Variants in SPAG16 observed in about 807,000 individuals in gnomAD.
SPAG16 encodes the protein sperm associated antigen 16.
A neutral mutation model predicts 80.4 loss-of-function variants in SPAG16; 86 were observed. That is an observed-to-expected ratio of 1.07 (90% CI 0.90 to 1.28). SPAG16 has a LOEUF of 1.28. SPAG16 is among the 50% of genes most tolerant of loss of function. The pLI, the probability that SPAG16 is intolerant of heterozygous loss-of-function variation, is 0.00. For synonymous variants in SPAG16, 294 were observed against 265.9 expected, an observed-to-expected ratio of 1.11 and a Z score of -1.03; for missense variants, 870 against 765.3, an observed-to-expected ratio of 1.14 and a Z score of -1.61.
At chr2:214,259,884 C>G (rs1440728102) in intron 15 of SPAG16, among the ~76,000 whole-genome samples, 1 of 152,124 alleles carries the variant, frequency 6.6e-6, no homozygotes, top group Non-Finnish European at 1.5e-5. Context: ...AGGCAGTTCT[C>G]CTTTGACCAG....
intron 10 of SPAG16, among the ~76,000 whole-genome samples, chr2:213,659,564 C>T (rs1188321194): frequency 6.6e-6 from 1 of 152,098 alleles, no homozygotes; most frequent in Non-Finnish European, 1.5e-5. Flanking sequence ...GATACAACTA[C>T]AAGCAGCACT....
intron 9 of SPAG16, among the ~76,000 whole-genome samples, chr2:213,477,756 T>A (rs551785205): frequency 6.6e-6 from 1 of 152,210 alleles, no homozygotes; most frequent in African/African-American, 2.4e-5. Context: ...GACTTTGGAC[T>A]TGGACTCTTG....
intron 11 of SPAG16, among the ~76,000 whole-genome samples, chr2:213,873,840 C>T (rs1426244549): frequency 6.6e-6 from 1 of 152,000 alleles, no homozygotes; most frequent in African/African-American, 2.4e-5. Context: ...TAGGCAATTT[C>T]ATCACTATGC....
At chr2:213,687,503 T>C (rs1419565929) in intron 10 of SPAG16, among the ~76,000 whole-genome samples, 1 of 152,228 alleles carries the variant, frequency 6.6e-6, no homozygotes, top group African/African-American at 2.4e-5. Flanking sequence ...ATTTTAGCAT[T>C]TTTTAAATGA....
At chr2:213,463,334 CT>C (rs1433803577) in intron 9 of SPAG16, among the ~76,000 whole-genome samples, 1 of 152,206 alleles carries the variant, frequency 6.6e-6, no homozygotes, top group African/African-American at 2.4e-5. Flanking sequence ...CAGAAATTTG[CT>C]TAAGTAACAA....
At chr2:214,073,410 T>C (rs569217944) in intron 13 of SPAG16, among the ~76,000 whole-genome samples, 2 of 152,102 alleles carry the variant, frequency 1.3e-5, no homozygotes, top group South Asian at 4.2e-4. Flanking sequence ...CTAATTTTTG[T>C]ATTTTTAGTA....
chr2:214,225,050 G>T (rs1461041546), intron 15 of SPAG16, among the ~76,000 whole-genome samples: 2 of 152,162 alleles, frequency 1.3e-5, no homozygotes, highest in African/African-American at 4.8e-5. Flanking sequence ...CACGAATAAG[G>T]TAACATTTAA....
chr2:214,400,393 G>T (rs1701640263), intron 15 of SPAG16, among the ~76,000 whole-genome samples: 1 of 151,872 alleles, frequency 6.6e-6, no homozygotes, highest in Non-Finnish European at 1.5e-5. Context: ...TCAAAAAAAA[G>T]TATAACAAAA....
At chr2:213,980,725 T>TAGAGAGAGAGAGAGAG (rs1553686631) in intron 12 of SPAG16, among the ~76,000 whole-genome samples, 3 of 104,028 alleles carry the variant, frequency 2.9e-5, no homozygotes, top group African/African-American at 1.5e-4. Flanking sequence ...TATATATATA[T>TAGAGAGAGAGAGAGAG]AGAGAGAGAG....
At chr2:213,527,823 C>G (rs1314125916) in intron 10 of SPAG16, among the ~76,000 whole-genome samples, 1 of 151,802 alleles carries the variant, frequency 6.6e-6, no homozygotes, top group African/African-American at 2.4e-5. Flanking sequence ...GAAAGGGTGC[C>G]AAGTGCACAC....
At chr2:213,628,920 T>C (rs2062049007) in intron 10 of SPAG16, among the ~76,000 whole-genome samples, 4 of 152,188 alleles carry the variant, frequency 2.6e-5, no homozygotes, top group Non-Finnish European at 2.9e-5. Context: ...TTAAGCACTA[T>C]GGTAGATGCT....
intron 6 of SPAG16, among the ~76,000 whole-genome samples, chr2:213,341,496 G>GT (rs1325906342): frequency 6.6e-6 from 1 of 151,936 alleles, no homozygotes; most frequent in African/African-American, 2.4e-5. Context: ...TTTTCAACTA[G>GT]TTTGATAATA....
At chr2:213,778,761 C>G (rs2069760023) in intron 10 of SPAG16, among the ~76,000 whole-genome samples, 1 of 152,172 alleles carries the variant, frequency 6.6e-6, no homozygotes, top group South Asian at 2.1e-4. Context: ...ACTGATCTAT[C>G]TTCATTAATG....
At chr2:213,947,941 C>CA (rs1553677168) in intron 12 of SPAG16, among the ~76,000 whole-genome samples, 13 of 152,000 alleles carry the variant, frequency 8.6e-5, no homozygotes, top group Non-Finnish European at 1.9e-4. Flanking sequence ...CTTGTCTTGC[C>CA]AGTCTTATTT....
chr2:214,399,566 A>G (rs1038250907), intron 15 of SPAG16, among the ~76,000 whole-genome samples: 3 of 152,086 alleles, frequency 2.0e-5, no homozygotes, highest in Non-Finnish European at 2.9e-5. Flanking sequence ...ATGTACATTA[A>G]GAGAACAACT....
At chr2:213,780,562 CT>C (rs2069883076) in intron 10 of SPAG16, among the ~76,000 whole-genome samples, 1 of 113,086 alleles carries the variant, frequency 8.8e-6, no homozygotes, top group East Asian at 3.1e-4. Context: ...AAACATTTTT[CT>C]TTTCTTTCTT....
At chr2:214,384,239 A>G (rs1700622580) in intron 15 of SPAG16, among the ~76,000 whole-genome samples, 1 of 152,222 alleles carries the variant, frequency 6.6e-6, no homozygotes, top group Non-Finnish European at 1.5e-5. Context: ...GACAATGCCT[A>G]TCTGCACTGT....
At chr2:214,354,291 C>G (rs2126056180) in intron 15 of SPAG16, among the ~76,000 whole-genome samples, 1 of 152,114 alleles carries the variant, frequency 6.6e-6, no homozygotes, top group African/African-American at 2.4e-5. Context: ...TCAGGTTTGT[C>G]AAAGATCAGA....
chr2:214,094,503 C>T (rs2052448434), intron 13 of SPAG16, among the ~76,000 whole-genome samples: 1 of 152,054 alleles, frequency 6.6e-6, no homozygotes, highest in Admixed American at 6.6e-5. Flanking sequence ...TATAAACAAG[C>T]TTTCTGCTTG....
Sources: gnomAD v4.1 joint callset for allele counts (sites outside exome capture counted in the v4.1 genomes callset) on GRCh38, gnomAD v4.1.1 for gene constraint, MANE v1.5 for transcripts, NCBI Gene and HGNC (gene_info 2026-07-23, HGNC 2026-07-21) for gene names.